Variants in WSCD1 observed in about 807,000 individuals in gnomAD.
The protein encoded by WSCD1 is sialate:O-sulfotransferase 1.
Under a neutral mutation model 60.4 loss-of-function variants are expected in WSCD1, and 41 were observed. The observed-to-expected ratio is 0.68, with a 90% CI of 0.53 to 0.88. The LOEUF is 0.88. Ranked by LOEUF, WSCD1 falls within the 40% of genes least tolerant of loss-of-function variation. The probability of loss-of-function intolerance (pLI) is 0.00; values close to 1 mark genes in which losing one functional copy is unlikely to be tolerated. For missense variants in WSCD1, 784 were observed against 796.2 expected (o/e 0.98, Z 0.18); for synonymous variants, 361 against 332.5 (o/e 1.09, Z -0.93).
rs1908471436 is a variant in WSCD1, at chr17:6,070,593, G to T, written c.-348G>T. On this transcript the variant is annotated 5_prime_UTR_variant, in exon 1 of 9. Coordinates refer to ENST00000317744, the MANE Select transcript of WSCD1 (RefSeq NM_015253.2). Reference sequence around the variant, plus strand: ...CACTGCGGGGGGCTGCGGGCTCGGCGCCCGGGGAAGGCGGGCCATGGGCGC... The same window carrying T: ...CACTGCGGGGGGCTGCGGGCTCGGCTCCCGGGGAAGGCGGGCCATGGGCGC... 1 of 149,392 alleles carries T rather than the reference G, an allele frequency of 6.7e-6. No individual in the cohort carries two copies. The highest frequency in any genetic ancestry group is 2.1e-4 in the South Asian group (1 of 4,818). The allele number at this position is 149,392 out of a possible 1,614,324, so 9.3% of individuals were successfully genotyped here.
intron 5 of WSCD1, among the ~76,000 whole-genome samples, chr17:6,098,647 C>T (rs969711622): frequency 6.6e-5 from 10 of 152,200 alleles, no homozygotes; most frequent in Non-Finnish European, 1.0e-4. Context: ...GCTGCCTCTG[C>T]GTGGTCAGAT....
At position 6,080,755 on chromosome 17, in the gene WSCD1, C is replaced by G; in HGVS notation, c.97C>G (p.Leu33Val). ...TGCCTACCTGATGACCGGCAGCCTGCTGCTGCTGCAGCGGGTCCGCGTGGC... is the reference window on the plus strand; with the variant it reads ...TGCCTACCTGATGACCGGCAGCCTGGTGCTGCTGCAGCGGGTCCGCGTGGC... Reference protein sequence around the residue: ...TAAYLMTGSLLLLQRVRVALP... With the variant: ...TAAYLMTGSLVLLQRVRVALP... The change falls in exon 2 of 9, where the codon CTG becomes GTG. Residue 33 changes from leucine to valine, a missense_variant. By Grantham distance (32) the Leu-to-Val change is conservative. Transcript: ENST00000317744. This position sits in a 1 kb window ranked among gnomAD's most constrained non-coding sequence, Gnocchi z 6.6. 1 of 1,612,594 alleles carries G rather than the reference C, an allele frequency of 6.2e-7. No individual in the cohort carries two copies. The highest frequency in any genetic ancestry group is 1.7e-5 in the Admixed American group (1 of 59,988).
At chr17:6,084,042 G>T (rs186679600) in intron 2 of WSCD1, among the ~76,000 whole-genome samples, 1 of 152,136 alleles carries the variant, frequency 6.6e-6, no homozygotes, top group African/African-American at 2.4e-5. Context: ...ATACTTCCAG[G>T]TTGGCTGGTA....
chr17:6,080,628 G>C lies in WSCD1; in HGVS notation c.-31G>C. The stretch of plus-strand genomic sequence containing the variant: ...CCTGGGCGCTAGGAGCCATCCCGGG[G>C]CTCCAGCCAGGAGCCCTGCTGCCCA... On this transcript the variant is annotated 5_prime_UTR_variant, in exon 2 of 9. Transcript: ENST00000317744. This position sits in a 1 kb window ranked among gnomAD's most constrained non-coding sequence, Gnocchi z 6.6. The C allele has an allele frequency of 6.2e-7, 1 of 1,609,072 alleles. No homozygotes were observed. The highest frequency in any genetic ancestry group is 1.1e-5 in the South Asian group (1 of 90,724).
In WSCD1 at chr17:6,110,402, T is replaced by G. The variant is rs947200612; in HGVS notation, c.1010-369T>G. Reference sequence around the variant, plus strand: ...TGTTGGCAGTACCTGGGTGTGTTACTTTGCTCAGCCTAGCCTCAATCCCCA... The same window carrying G: ...TGTTGGCAGTACCTGGGTGTGTTACGTTGCTCAGCCTAGCCTCAATCCCCA... On this transcript the variant is annotated intron_variant, in intron 6 of 8. Coordinates refer to ENST00000317744, the MANE Select transcript of WSCD1 (RefSeq NM_015253.2). The surrounding 1 kb of genome is among the most constrained non-coding windows in gnomAD (Gnocchi z 4.8). 3.9e-5 allele frequency among the ~76,000 whole-genome samples: 6 copies of G among 152,194 alleles called. No individual in the cohort carries two copies. Among genetic ancestry groups the G allele is most frequent in the Admixed American group, 3.9e-4 (6 of 15,282 alleles).
Position 6,075,784 on chromosome 17 carries a change from T to A in WSCD1, c.-288-4587T>A, listed in dbSNP as rs548934555. ...AAGCCCCAGGCAGGGATAGAACCCC[T>A]CTAGCCTCCCCCTGAAGCACTCTGC... On this transcript the variant is annotated intron_variant, in intron 1 of 8. Transcript: ENST00000317744. The surrounding 1 kb of genome is among the most constrained non-coding windows in gnomAD (Gnocchi z 4.1). Among the ~76,000 whole-genome samples, 39 of 152,056 alleles carry A rather than the reference T, an allele frequency of 2.6e-4. No individual in the cohort carries two copies. The highest frequency in any genetic ancestry group is 9.4e-4 in the African/African-American group (39 of 41,476).
intron 3 of WSCD1, among the ~76,000 whole-genome samples, chr17:6,089,668 G>T (rs1203188684): frequency 6.6e-6 from 1 of 152,192 alleles, no homozygotes; most frequent in Non-Finnish European, 1.5e-5. Context: ...ATCTCCTATA[G>T]TGGGAGTGTT....
In WSCD1 at chr17:6,110,747, C is replaced by A; in HGVS notation, c.1010-24C>A. The stretch of plus-strand genomic sequence containing the variant: ...TGAGTCATAATGGAAGTGAGTAACC[C>A]CGTGATGACTTTTGGACTTTCAGAC... On this transcript the variant is annotated intron_variant, in intron 6 of 8. Coordinates refer to ENST00000317744, the MANE Select transcript of WSCD1 (RefSeq NM_015253.2). The surrounding 1 kb of genome is among the most constrained non-coding windows in gnomAD (Gnocchi z 4.8). 6.3e-7 allele frequency: 1 copy of A among 1,595,370 alleles called. No homozygotes were observed. The highest frequency in any genetic ancestry group is 8.6e-7 in the Non-Finnish European group (1 of 1,166,492).
In WSCD1 at chr17:6,109,200, A is replaced by G. The variant is rs542583656; in HGVS notation, c.850-407A>G. On this transcript the variant is annotated intron_variant, in intron 5 of 8. Transcript: ENST00000317744. ...CTCTGTGCCATGCAGACATCCACTC[A>G]TATGGATGCCCCTGCCCAGAGTGCC... Among the ~76,000 whole-genome samples the G allele has an allele frequency of 2.6e-5, 4 of 152,244 alleles. No individual in the cohort carries two copies. The East Asian group carries it at 7.7e-4, about 29-fold the overall frequency.
At chr17:6,091,413 C>T (rs527584778) in intron 4 of WSCD1, among the ~76,000 whole-genome samples, 7 of 152,172 alleles carry the variant, frequency 4.6e-5, no homozygotes, top group East Asian at 3.9e-4. Flanking sequence ...TGGGGCTCAG[C>T]GGAGGGAAGT....
chr17:6,095,325 G>A, intron 5 of WSCD1, 102 bp downstream of exon 5: 2 of 1,412,962 alleles, frequency 1.4e-6, no homozygotes, highest in South Asian at 3.1e-5. Flanking sequence ...CCCTCTGGCA[G>A]TCCAGATGGG....
At chr17:6,088,610 C>T (rs1909812948) in intron 3 of WSCD1, among the ~76,000 whole-genome samples, 1 of 152,162 alleles carries the variant, frequency 6.6e-6, no homozygotes, top group Non-Finnish European at 1.5e-5. Flanking sequence ...CCAGCTCACC[C>T]AGTAGTTGCC....
chr17:6,115,090 C>T (rs1911621220), intron 7 of WSCD1, among the ~76,000 whole-genome samples: 3 of 152,202 alleles, frequency 2.0e-5, no homozygotes, highest in Admixed American at 2.0e-4. Flanking sequence ...ACACCCCTGA[C>T]AGTCTGATTC....
At chr17:6,104,122 A>T (rs191805394) in intron 5 of WSCD1, among the ~76,000 whole-genome samples, 5 of 152,212 alleles carry the variant, frequency 3.3e-5, no homozygotes, top group Admixed American at 6.5e-5. Flanking sequence ...AGCATATCTC[A>T]TGGTGAGAGA....
intron 1 of WSCD1, among the ~76,000 whole-genome samples, chr17:6,071,969 A>G (rs1908572340): frequency 6.6e-6 from 1 of 152,196 alleles, no homozygotes; most frequent in Non-Finnish European, 1.5e-5. Flanking sequence ...TGGGATCTGA[A>G]GGAGGCTTGG....
intron 2 of WSCD1, among the ~76,000 whole-genome samples, chr17:6,085,668 C>A (rs1370478131): frequency 1.3e-5 from 2 of 152,194 alleles, no homozygotes; most frequent in Admixed American, 6.6e-5. Flanking sequence ...ACCTTGAAAA[C>A]CTTGTGGTTA....
chr17:6,109,627 C>T lies in WSCD1; in HGVS notation c.870C>T (p.Leu290=), dbSNP rs1467220726. The T allele has an allele frequency of 3.1e-6, 5 of 1,613,962 alleles. No individual in the cohort carries two copies. The African/African-American group carries it at 4.0e-5, about 13-fold the overall frequency. The stretch of plus-strand genomic sequence containing the variant: ...GGCAGGAGTTCCCCTTGGCCATTCT[C>T]AGGGGCTGGGAATGCTACTGTGCTT... The part of the protein sequence containing the change: ...CSQKEFPLAI[L]RGWECYCAYP... Residue 290 remains leucine (L), a synonymous_variant, in exon 6 of 9, where the codon CTC becomes CTT. Transcript: ENST00000317744.
intron 5 of WSCD1, among the ~76,000 whole-genome samples, chr17:6,098,245 TA>T (rs1158340376): frequency 6.6e-6 from 1 of 152,192 alleles, no homozygotes; most frequent in African/African-American, 2.4e-5. Flanking sequence ...GTGCTGGGAT[TA>T]CAAGCATGAG....
rs1481090346 is a variant in WSCD1, at chr17:6,092,174, A to G, written c.727+1669A>G. ...GTCTCCAAAAAAAAAAAAAAAAAAA[A>G]GGTATTGGATCAAAAGCTAAGGCTT... is the stretch of plus-strand genomic sequence containing the variant. On this transcript the variant is annotated intron_variant, in intron 4 of 8. Transcript: ENST00000317744. Among the ~76,000 whole-genome samples the G allele has an allele frequency of 2.7e-5, 4 of 146,136 alleles. 1 individual carries two copies. Among genetic ancestry groups the G allele is most frequent in the African/African-American group, 5.1e-5 (2 of 39,296 alleles).
Sources: gnomAD v4.1 joint callset for allele counts (sites outside exome capture counted in the v4.1 genomes callset) on GRCh38, gnomAD v4.1.1 for gene constraint, Gnocchi (gnomAD v3.1) non-coding constraint, MANE v1.5 for transcripts, NCBI Gene and HGNC (gene_info 2026-07-23, HGNC 2026-07-21) for gene names.